Variants in MRTFB observed in about 807,000 individuals in gnomAD.
MRTFB encodes myocardin-related transcription factor B.
A neutral mutation model predicts 104.2 loss-of-function variants in MRTFB; 29 were observed. The ratio of observed to expected loss-of-function variants is 0.28; its 90% CI spans 0.21 to 0.38. The LOEUF (loss-of-function observed/expected upper bound fraction) is 0.38. Ranked by LOEUF, MRTFB falls within the 10% of genes least tolerant of loss-of-function variation. MRTFB has a pLI of 1.00. For synonymous variants in MRTFB, 535 were observed against 519.5 expected (o/e 1.03, Z -0.41); for missense variants, 1,270 against 1,341.6 (o/e 0.95, Z 0.83).
chr16:14,245,772 C>A, intron 11 of MRTFB, 112 bp downstream of exon 11: 3 of 1,159,744 alleles, frequency 2.6e-6, no homozygotes, highest in Non-Finnish European at 3.6e-6. Flanking sequence ...TCAACTTTAC[C>A]AACAATATGA....
chr16:14,259,682 T>A lies in MRTFB; in HGVS notation c.2765-1227T>A, dbSNP rs372312801. Among the ~76,000 whole-genome samples, 4 of 152,090 alleles carry A rather than the reference T, an allele frequency of 2.6e-5. No individual in the cohort carries two copies. In the East Asian group the frequency reaches 5.8e-4, roughly 22 times the overall value. Reference sequence around the variant, plus strand: ...AGGAGCATCACCAGAACCCAGGAAGTGGAGGCTGCAATGAGCTGAGATCAT... The same window carrying A: ...AGGAGCATCACCAGAACCCAGGAAGAGGAGGCTGCAATGAGCTGAGATCAT... On this transcript the variant is annotated intron_variant, in intron 16 of 16. Transcript: ENST00000571589.
intron 3 of MRTFB, among the ~76,000 whole-genome samples, chr16:14,194,306 C>T (rs989942034): frequency 6.6e-6 from 1 of 152,218 alleles, no homozygotes; most frequent in Admixed American, 6.5e-5. Context: ...GGTGGTGGGT[C>T]TCTTCCAGGC....
chr16:14,204,865 T>C lies in MRTFB; in HGVS notation c.155-5378T>C, dbSNP rs993836033. 4.6e-5 allele frequency among the ~76,000 whole-genome samples: 7 copies of C among 152,370 alleles called. No homozygotes were observed. In the East Asian group the frequency reaches 1.3e-3, roughly 29 times the overall value. On this transcript the variant is annotated intron_variant, in intron 3 of 16. Transcript: ENST00000571589. ...ATATATTACATTGGAATAGTCTTCCTTTTAAGAATTCAAATTAAGGGAATA... is the reference window on the plus strand; with the variant it reads ...ATATATTACATTGGAATAGTCTTCCCTTTAAGAATTCAAATTAAGGGAATA...
intron 16 of MRTFB, among the ~76,000 whole-genome samples, chr16:14,259,264 C>T (rs1413042675): frequency 2.1e-5 from 3 of 142,726 alleles, no homozygotes; most frequent in Non-Finnish European, 4.6e-5. Flanking sequence ...GTGAAACCCC[C>T]GTCTCTACTA....
intron 13 of MRTFB, among the ~76,000 whole-genome samples, chr16:14,250,644 C>G (rs1012805045): frequency 3.5e-4 from 54 of 152,186 alleles, no homozygotes; most frequent in Non-Finnish European, 4.4e-5. Flanking sequence ...AGCTTACATG[C>G]CAGCCAAAGA....
chr16:14,220,330 G>A (rs942936363), intron 8 of MRTFB, among the ~76,000 whole-genome samples: 1 of 152,150 alleles, frequency 6.6e-6, no homozygotes, highest in Non-Finnish European at 1.5e-5. Flanking sequence ...TTTGTTCTCT[G>A]CTACTGTTTT....
chr16:14,032,792 T>C, the MRTFB span, among the ~76,000 whole-genome samples: 2 of 152,050 alleles, frequency 1.3e-5, no homozygotes, highest in African/African-American at 4.8e-5. Flanking sequence ...CTGCAGAGAT[T>C]TGGAGAATTG....
chr16:14,071,116 GC>G (rs1320809617), upstream of MRTFB, among the ~76,000 whole-genome samples: 2 of 152,172 alleles, frequency 1.3e-5, no homozygotes, highest in African/African-American at 4.8e-5. Context: ...CGGCCGCCTC[GC>G]ACCTGGGCTT....
chr16:14,190,247 A>T (rs2040118397), intron 3 of MRTFB, among the ~76,000 whole-genome samples: 1 of 152,226 alleles, frequency 6.6e-6, no homozygotes, highest in Non-Finnish European at 1.5e-5. Context: ...TCCTTAGACT[A>T]GTTTCTTTTG....
chr16:14,033,082 G>A, the MRTFB span, among the ~76,000 whole-genome samples: 6 of 152,168 alleles, frequency 3.9e-5, no homozygotes, highest in Non-Finnish European at 7.4e-5. Flanking sequence ...TAGCTGGGAA[G>A]CTCTAGATCT....
intron 3 of MRTFB, chr16:14,151,706 G>C (rs2038623247): frequency 6.6e-6 from 1 of 152,100 alleles, no homozygotes. Context: ...AAAGGCAGTG[G>C]GCACTGATTT....
intron 3 of MRTFB, chr16:14,200,237 A>G: frequency 2.2e-6 from 3 of 1,348,456 alleles, no homozygotes; most frequent in South Asian, 1.3e-5. Flanking sequence ...AAGTATATGA[A>G]TAATACATCC....
At chr16:14,098,042 T>C (rs1478005977) in intron 2 of MRTFB, among the ~76,000 whole-genome samples, 1 of 152,254 alleles carries the variant, frequency 6.6e-6, no homozygotes, top group African/African-American at 2.4e-5. Context: ...TTTGGGCTAT[T>C]ACAAATAAAA....
At chr16:14,184,819 C>T (rs1597183670) in intron 3 of MRTFB, among the ~76,000 whole-genome samples, 1 of 152,164 alleles carries the variant, frequency 6.6e-6, no homozygotes, top group South Asian at 2.1e-4. Context: ...CAGGGCAAGG[C>T]CATAGACAGA....
the MRTFB span, among the ~76,000 whole-genome samples, chr16:14,061,566 C>CTTTTTTTTTTTTTTTTTTTTTTTT: frequency 1.9e-5 from 2 of 102,630 alleles, no homozygotes; most frequent in African/African-American, 7.7e-5. Context: ...TCAAGGTCAT[C>CTTTTTTTTTTTTTTTTTTTTTTTT]TTTTTTTTTT....
intron 9 of MRTFB, among the ~76,000 whole-genome samples, chr16:14,237,913 A>G (rs190492633): frequency 1.3e-3 from 195 of 152,298 alleles, no homozygotes; most frequent in Middle Eastern, 6.8e-3. Flanking sequence ...AAGGACCAGA[A>G]AAATGTAACA....
chr16:14,079,189 T>C (rs1161084070), intron 1 of MRTFB, 101 bp from the exon 2 acceptor site: 1 of 317,066 alleles, frequency 3.2e-6, no homozygotes, highest in Non-Finnish European at 5.8e-6. Flanking sequence ...GATTTTGTTA[T>C]TTCCAGTTTA....
At chr16:14,251,313 C>T (rs2043244866) in intron 13 of MRTFB, among the ~76,000 whole-genome samples, 1 of 138,960 alleles carries the variant, frequency 7.2e-6, no homozygotes, top group Non-Finnish European at 1.5e-5. Flanking sequence ...GGAGGCGGAG[C>T]TTGCAGTGAG....
At chr16:14,029,492 A>ATT in the MRTFB span, among the ~76,000 whole-genome samples, 2 of 134,742 alleles carry the variant, frequency 1.5e-5, no homozygotes, top group African/African-American at 5.6e-5. Context: ...GTATATACAC[A>ATT]TTATATATAT....
Sources: gnomAD v4.1 joint callset for allele counts (sites outside exome capture counted in the v4.1 genomes callset) on GRCh38, gnomAD v4.1.1 for gene constraint, MANE v1.5 for transcripts, NCBI Gene and HGNC (gene_info 2026-07-23, HGNC 2026-07-21) for gene names.